Variants in HMCN1 observed in about 807,000 individuals in gnomAD.
HMCN1 encodes the protein hemicentin 1.
HMCN1 carries 321 observed loss-of-function variants against 625.9 expected under a neutral mutation model. The observed-to-expected ratio is 0.51, with a 90% CI of 0.47 to 0.56. HMCN1 has a LOEUF of 0.56. Among genes scored for constraint, HMCN1 ranks in the 20% least tolerant of loss-of-function variants. The pLI, the probability that HMCN1 is intolerant of heterozygous loss-of-function variation, is 0.00. For missense variants in HMCN1, 6,588 were observed against 6,887.3 expected (o/e 0.96, Z 1.54); for synonymous variants, 2,425 against 2,417.6 (o/e 1.00, Z -0.09).
At chr1:185,913,954 G>A (rs1423124475) in intron 6 of HMCN1, among the ~76,000 whole-genome samples, 1 of 152,082 alleles carries the variant, frequency 6.6e-6, no homozygotes, top group African/African-American at 2.4e-5. Flanking sequence ...GTTTAGACAA[G>A]TCTCTAAGCT....
chr1:185,958,515 T>C (rs1649781394), intron 11 of HMCN1, among the ~76,000 whole-genome samples: 1 of 152,214 alleles, frequency 6.6e-6, no homozygotes, highest in African/African-American at 2.4e-5. Context: ...TATGCACAGA[T>C]GTATTTTAAA....
chr1:185,957,882 C>T (rs745554611), intron 11 of HMCN1, among the ~76,000 whole-genome samples: 4 of 150,780 alleles, frequency 2.7e-5, no homozygotes, highest in Non-Finnish European at 5.9e-5. Flanking sequence ...ATATTATAAC[C>T]ACATGCTCAT....
chr1:186,116,421 A>AATATAT (rs3057359), intron 75 of HMCN1, among the ~76,000 whole-genome samples: 8,491 of 148,938 alleles, frequency 0.057, 705 homozygotes, highest in African/African-American at 0.18. Context: ...TTCAAAACTA[A>AATATAT]ATATATATAT....
intron 4 of HMCN1, among the ~76,000 whole-genome samples, chr1:185,908,112 T>C (rs1226990966): frequency 6.6e-6 from 1 of 151,980 alleles, no homozygotes. Context: ...CATCATTACT[T>C]AGTACCTGGA....
intron 15 of HMCN1, among the ~76,000 whole-genome samples, chr1:185,972,137 G>A (rs1650877303): frequency 6.6e-6 from 1 of 152,148 alleles, no homozygotes. Context: ...TTCCGGCACA[G>A]ATATTTTATG....
chr1:185,900,143 TCTGA>T, intron 4 of HMCN1, among the ~76,000 whole-genome samples: 1 of 151,996 alleles, frequency 6.6e-6, no homozygotes, highest in East Asian at 1.9e-4. Context: ...TGCTGATGAG[TCTGA>T]CTTTCTCTGA....
At chr1:186,041,901 C>T (rs1656234062) in intron 40 of HMCN1, among the ~76,000 whole-genome samples, 2 of 152,152 alleles carry the variant, frequency 1.3e-5, no homozygotes, top group Non-Finnish European at 2.9e-5. Flanking sequence ...TCCTACCTCA[C>T]TTCCAAATAA....
intron 80 of HMCN1, among the ~76,000 whole-genome samples, chr1:186,121,379 T>C (rs1185313000): frequency 6.6e-6 from 1 of 152,010 alleles, no homozygotes; most frequent in African/African-American, 2.4e-5. Context: ...AGGACTGGAG[T>C]TGTAGTGTGT....
intron 97 of HMCN1, among the ~76,000 whole-genome samples, chr1:186,158,819 T>G (rs1272665265): frequency 7.2e-5 from 11 of 152,110 alleles, no homozygotes; most frequent in Non-Finnish European, 1.5e-4. Flanking sequence ...ACCAGTACCA[T>G]GCTGTTTTGG....
chr1:186,118,602 A>G (rs1448858381), intron 77 of HMCN1, among the ~76,000 whole-genome samples: 2 of 152,248 alleles, frequency 1.3e-5, no homozygotes, highest in Non-Finnish European at 2.9e-5. Flanking sequence ...AAACAATTCA[A>G]ATGTCCATCA....
chr1:186,125,540 TATTGTGAATAAAGAC>T, intron 81 of HMCN1, 49 bp from the exon 82 acceptor site: 1 of 1,276,014 alleles, frequency 7.8e-7, no homozygotes, highest in Non-Finnish European at 1.1e-6. Flanking sequence ...TGTTAATTTT[TATTGTGAATAAAGAC>T]ATTATTGAAC....
chr1:185,976,021 A>G (rs1378354475), intron 15 of HMCN1, among the ~76,000 whole-genome samples: 1 of 152,204 alleles, frequency 6.6e-6, no homozygotes, highest in Non-Finnish European at 1.5e-5. Flanking sequence ...CTGCTGTAAA[A>G]GATAAAAATA....
At chr1:186,045,100 A>G (rs922287432) in intron 40 of HMCN1, among the ~76,000 whole-genome samples, 1 of 152,184 alleles carries the variant, frequency 6.6e-6, no homozygotes, top group Non-Finnish European at 1.5e-5. Context: ...TTGACAAAGC[A>G]TCATGGAAAA....
At chr1:185,770,751 T>C (rs74135306) in intron 1 of HMCN1, among the ~76,000 whole-genome samples, 2,522 of 152,320 alleles carry the variant, frequency 0.017, 79 homozygotes, top group African/African-American at 0.053. Flanking sequence ...ACTTGCTTCC[T>C]CTATGGAGCA....
At chr1:186,125,977 C>T (rs114384079) in intron 82 of HMCN1, among the ~76,000 whole-genome samples, 183 bp downstream of exon 82, 106 of 152,056 alleles carry the variant, frequency 7.0e-4, no homozygotes, top group African/African-American at 2.2e-3. Flanking sequence ...ATTTAACAGA[C>T]GATAGGAACT....
chr1:185,997,476 C>A lies in HMCN1; in HGVS notation c.3826C>A (p.Gln1276Lys). Reference protein sequence around the residue: ...DLEPPYNTTFQERVANQRIEF... With the variant: ...DLEPPYNTTFKERVANQRIEF... ...AGAACCTCCATATAACACTACTTTCCAAGAAAGAGTGGCCAATCAACGCAT... is the reference window on the plus strand; with the variant it reads ...AGAACCTCCATATAACACTACTTTCAAAGAAAGAGTGGCCAATCAACGCAT... The change falls in exon 25 of 107, where the codon CAA becomes AAA. Residue 1276 changes from glutamine to lysine, a missense_variant. Physicochemically the swap from Gln to Lys is moderately conservative, Grantham distance 53. Around this residue, in one of 3 missense-constraint regions of HMCN1, gnomAD observed 4,628 missense variants for 4,853.1 expected, o/e 0.95. Transcript: ENST00000271588. 1.2e-6 allele frequency: 2 copies of A among 1,612,860 alleles called. No homozygotes were observed. Among genetic ancestry groups the A allele is most frequent in the Non-Finnish European group, 1.7e-6 (2 of 1,179,266 alleles).
Position 186,123,106 on chromosome 1 carries a change from A to G in HMCN1, c.12385A>G (p.Ser4129Gly). Residue 4129 changes from serine (S) to glycine (G), a missense_variant, in exon 81 of 107, where the codon AGC becomes GGC. Around this residue, in one of 3 missense-constraint regions of HMCN1, gnomAD observed 1,954 missense variants for 2,013.1 expected, o/e 0.97. Coordinates refer to ENST00000271588, the MANE Select transcript of HMCN1 (RefSeq NM_031935.3). ...IVESIRQRVLSSGSLQIAFVQ... is the reference protein window; with the variant it reads ...IVESIRQRVLGSGSLQIAFVQ... ...GGAATCTATCCGCCAGCGCGTCCTC[A>G]GCTCTGGCTCTCTGCAAATAGCATT... The G allele has an allele frequency of 6.2e-7, 1 of 1,614,116 alleles. No homozygotes were observed. Among genetic ancestry groups the G allele is most frequent in the Non-Finnish European group, 8.5e-7 (1 of 1,179,992 alleles).
intron 66 of HMCN1, among the ~76,000 whole-genome samples, chr1:186,093,903 A>C (rs896553188): frequency 6.6e-6 from 1 of 152,090 alleles, no homozygotes; most frequent in African/African-American, 2.4e-5. Flanking sequence ...TTTTATAGAC[A>C]GGTTTGTTAT....
chr1:186,190,635 T>C lies in HMCN1; in HGVS notation c.*757T>C. On this transcript the variant is annotated 3_prime_UTR_variant, in exon 107 of 107. Coordinates refer to ENST00000271588, the MANE Select transcript of HMCN1 (RefSeq NM_031935.3). ...CTTTCATCCAGTTAGCTTCATAACT[T>C]TTACGTTCCAGAATTTTGTTTATTT... The C allele has an allele frequency of 5.2e-6, 1 of 192,546 alleles. No individual in the cohort carries two copies. The highest frequency in any genetic ancestry group is 8.2e-5 in the East Asian group (1 of 12,158). The allele number at this position is 192,546 out of a possible 1,614,324, so 11.9% of individuals were successfully genotyped here.
Sources: allele counts gnomAD v4.1 joint callset (sites outside exome capture counted in the v4.1 genomes callset), GRCh38; gene constraint gnomAD v4.1.1; regional missense constraint gnomAD v4.1.1; transcripts MANE v1.5; gene names NCBI Gene and HGNC (gene_info 2026-07-23, HGNC 2026-07-21).